Variants in TENM2 observed in about 807,000 individuals in gnomAD.
TENM2 encodes the protein teneurin-2.
Under a neutral mutation model 245.2 loss-of-function variants are expected in TENM2, and 52 were observed. That is an observed-to-expected ratio of 0.21 (90% CI 0.17 to 0.27). TENM2 has a LOEUF of 0.27. Ranked by LOEUF, TENM2 falls within the 10% of genes least tolerant of loss-of-function variation. TENM2 has a pLI of 1.00. For synonymous variants in TENM2, 1,363 were observed against 1,438.9 expected (o/e 0.95, Z 1.19); for missense variants, 3,046 against 3,666.8 (o/e 0.83, Z 4.37).
chr5:167,853,918 C>T (rs1770832751), intron 2 of TENM2, among the ~76,000 whole-genome samples: 1 of 152,296 alleles, frequency 6.6e-6, no homozygotes, highest in South Asian at 2.1e-4. Flanking sequence ...TAAATAGCTG[C>T]TTCCCTATCA....
chr5:167,230,778 T>C, the TENM2 span, among the ~76,000 whole-genome samples: 1 of 152,164 alleles, frequency 6.6e-6, no homozygotes, highest in Admixed American at 6.5e-5. Flanking sequence ...ATAATGTATA[T>C]TAGAAATGTA....
chr5:167,724,049 C>T (rs940594336), intron 2 of TENM2, among the ~76,000 whole-genome samples: 1 of 152,202 alleles, frequency 6.6e-6, no homozygotes, highest in Non-Finnish European at 1.5e-5. Context: ...TTCCTGGGTA[C>T]TCTGTAATTT....
chr5:167,888,187 G>A (rs1251620726), intron 3 of TENM2, among the ~76,000 whole-genome samples: 2 of 152,192 alleles, frequency 1.3e-5, no homozygotes, highest in Non-Finnish European at 2.9e-5. Flanking sequence ...GCCCACAACA[G>A]AATCCAATTG....
chr5:167,985,694 G>C (rs149557248), intron 4 of TENM2, among the ~76,000 whole-genome samples: 285 of 152,298 alleles, frequency 1.9e-3, no homozygotes, highest in African/African-American at 6.5e-3. Context: ...AGCCCTGCTA[G>C]GATTTTCCCC....
chr5:166,981,257 C>G, the TENM2 span, among the ~76,000 whole-genome samples: 1 of 151,766 alleles, frequency 6.6e-6, no homozygotes, highest in Non-Finnish European at 1.5e-5. Flanking sequence ...AGAATGAAAG[C>G]TCAGCTTATT....
chr5:167,664,406 C>A (rs986280875), intron 2 of TENM2, among the ~76,000 whole-genome samples: 3 of 152,136 alleles, frequency 2.0e-5, no homozygotes, highest in Admixed American at 1.3e-4. Flanking sequence ...AAATGCCCAG[C>A]TGTCAATTAT....
At chr5:167,943,522 T>G (rs1352916375) in intron 3 of TENM2, among the ~76,000 whole-genome samples, 2 of 152,202 alleles carry the variant, frequency 1.3e-5, no homozygotes, top group East Asian at 3.8e-4. Flanking sequence ...TAGCCTGGTC[T>G]TTGAAAAACA....
intron 28 of TENM2, among the ~76,000 whole-genome samples, chr5:168,261,364 T>C: frequency 6.6e-6 from 1 of 152,190 alleles, no homozygotes; most frequent in East Asian, 1.9e-4. Context: ...CCTCAAAGCC[T>C]GACTCTCTCA....
chr5:167,861,762 A>G lies in TENM2; in HGVS notation c.503-14224A>G, dbSNP rs542356384. 2.0e-4 allele frequency among the ~76,000 whole-genome samples: 30 copies of G among 152,324 alleles called. No individual in the cohort carries two copies. The Middle Eastern group carries it at 0.031, about 155-fold the overall frequency. On this transcript the variant is annotated intron_variant, in intron 2 of 28. Coordinates refer to ENST00000518659, the Ensembl canonical transcript of TENM2. Reference sequence around the variant, plus strand: ...ACACATTTAATTTGAGTGGAAGACTATTTGTATCTCGCTGAGCCTGATAGC... The same window carrying G: ...ACACATTTAATTTGAGTGGAAGACTGTTTGTATCTCGCTGAGCCTGATAGC...
At chr5:167,296,891 C>T (rs1754976829) in intron 1 of TENM2, among the ~76,000 whole-genome samples, 1 of 152,148 alleles carries the variant, frequency 6.6e-6, no homozygotes, top group Non-Finnish European at 1.5e-5. Flanking sequence ...AGTAAGGGGA[C>T]AATGACTGTG....
At chr5:167,304,422 T>G (rs77644672) in intron 1 of TENM2, among the ~76,000 whole-genome samples, 1,762 of 152,300 alleles carry the variant, frequency 0.012, 35 homozygotes, top group African/African-American at 0.04. Flanking sequence ...CAATACAAAT[T>G]GGGTTAAGAC....
chr5:167,252,420 C>G, the TENM2 span, among the ~76,000 whole-genome samples: 1 of 152,202 alleles, frequency 6.6e-6, no homozygotes, highest in South Asian at 2.1e-4. Context: ...AGGCGAATGG[C>G]TTTGGGAGGT....
At chr5:167,742,837 A>G (rs576294939) in intron 2 of TENM2, among the ~76,000 whole-genome samples, 23 of 151,936 alleles carry the variant, frequency 1.5e-4, no homozygotes, top group African/African-American at 5.3e-4. Flanking sequence ...GCATGGTAGC[A>G]TGTGCCTATA....
chr5:167,983,276 G>C (rs1232415115), intron 4 of TENM2, among the ~76,000 whole-genome samples: 2 of 152,000 alleles, frequency 1.3e-5, no homozygotes, highest in African/African-American at 4.8e-5. Flanking sequence ...GAGAGACCTT[G>C]CCTGTCACAC....
At chr5:167,839,553 C>CTG (rs748719441) in intron 2 of TENM2, among the ~76,000 whole-genome samples, 2,218 of 148,640 alleles carry the variant, frequency 0.015, 49 homozygotes, top group African/African-American at 0.048. Flanking sequence ...TGTGAGGTGT[C>CTG]TGTGTGTGTG....
intron 2 of TENM2, among the ~76,000 whole-genome samples, chr5:167,458,007 C>T (rs577242059): frequency 3.3e-5 from 5 of 151,904 alleles, no homozygotes; most frequent in East Asian, 1.9e-4. Context: ...TTTTTTAATA[C>T]GACATTTTAC....
At chr5:167,537,197 A>T (rs117501264) in intron 2 of TENM2, among the ~76,000 whole-genome samples, 8,912 of 148,244 alleles carry the variant, frequency 0.06, 696 homozygotes, top group Admixed American at 0.21. Flanking sequence ...GGATCACTTG[A>T]GTACAGGAGT....
At chr5:167,767,990 A>T (rs1763150830) in intron 2 of TENM2, among the ~76,000 whole-genome samples, 1 of 152,202 alleles carries the variant, frequency 6.6e-6, no homozygotes, top group Admixed American at 6.5e-5. Context: ...CAGCAGTCAT[A>T]TGCTCAGTGT....
the TENM2 span, among the ~76,000 whole-genome samples, chr5:167,192,500 T>C: frequency 6.6e-6 from 1 of 151,962 alleles, no homozygotes; most frequent in African/African-American, 2.4e-5. Context: ...GTAAGGTCTA[T>C]ACAGAACAGG....
Sources: allele counts gnomAD v4.1 joint callset (sites outside exome capture counted in the v4.1 genomes callset), GRCh38; gene constraint gnomAD v4.1.1; transcripts MANE v1.5; gene names NCBI Gene and HGNC (gene_info 2026-07-23, HGNC 2026-07-21).